Variants in ARHGAP12 observed in about 807,000 individuals in gnomAD.
ARHGAP12 encodes the protein Rho GTPase activating protein 12, also known as rho GTPase-activating protein 12.
In ARHGAP12, 64 loss-of-function variants were observed where a neutral mutation model predicts 108.6. The observed-to-expected ratio is 0.59, with a 90% CI of 0.48 to 0.73. The LOEUF is 0.73. Among genes scored for constraint, ARHGAP12 ranks in the 30% least tolerant of loss-of-function variants. The probability of loss-of-function intolerance (pLI) is 0.00; values close to 1 mark genes in which losing one functional copy is unlikely to be tolerated. For synonymous variants in ARHGAP12, 312 were observed against 337.2 expected (o/e 0.93, Z 0.82); for missense variants, 940 against 1,005.9 (o/e 0.93, Z 0.89).
intron 4 of ARHGAP12, among the ~76,000 whole-genome samples, chr10:31,855,862 T>C (rs1309851069): frequency 6.6e-6 from 1 of 152,196 alleles, no homozygotes; most frequent in African/African-American, 2.4e-5. Flanking sequence ...TCTTCATGTG[T>C]TTTATATTAT....
chr10:31,926,123 T>C (rs1236144502), intron 1 of ARHGAP12, among the ~76,000 whole-genome samples: 2 of 152,176 alleles, frequency 1.3e-5, no homozygotes, highest in African/African-American at 2.4e-5. Context: ...GTGATTCCTA[T>C]GCACGTTAAA....
chr10:31,920,449 C>CAAAA (rs71027040), intron 1 of ARHGAP12, among the ~76,000 whole-genome samples: 1,165 of 59,454 alleles, frequency 0.02, 92 homozygotes, highest in Middle Eastern at 0.048. Context: ...GACTCCGTCT[C>CAAAA]AAAAAAAAAA....
chr10:31,871,774 A>G (rs1375222166), intron 3 of ARHGAP12, among the ~76,000 whole-genome samples: 4 of 152,236 alleles, frequency 2.6e-5, no homozygotes, highest in Non-Finnish European at 4.4e-5. Context: ...TTGACAGAGA[A>G]GAGGTGACAG....
chr10:31,891,283 G>C (rs948077862), intron 3 of ARHGAP12, among the ~76,000 whole-genome samples: 2 of 152,142 alleles, frequency 1.3e-5, no homozygotes, highest in African/African-American at 2.4e-5. Context: ...AACATAAAAA[G>C]CTAGTATATC....
chr10:31,887,305 A>C (rs923602734), intron 3 of ARHGAP12, among the ~76,000 whole-genome samples: 5 of 152,288 alleles, frequency 3.3e-5, no homozygotes, highest in Admixed American at 1.3e-4. Flanking sequence ...TACAGAGGGT[A>C]ATCTGCTTTA....
At chr10:31,888,055 A>G (rs950199442) in intron 3 of ARHGAP12, among the ~76,000 whole-genome samples, 1 of 152,108 alleles carries the variant, frequency 6.6e-6, no homozygotes, top group African/African-American at 2.4e-5. Context: ...TGGATGCTCT[A>G]TTCCTTGCCA....
At chr10:31,922,120 G>A (rs984363040) in intron 1 of ARHGAP12, among the ~76,000 whole-genome samples, 6 of 142,898 alleles carry the variant, frequency 4.2e-5, no homozygotes, top group African/African-American at 1.6e-4. Context: ...GGCAAAGGCT[G>A]CAGCGAGCTG....
intron 1 of ARHGAP12, among the ~76,000 whole-genome samples, chr10:31,917,704 T>G (rs1339099272): frequency 1.3e-5 from 2 of 152,218 alleles, no homozygotes; most frequent in Non-Finnish European, 2.9e-5. Flanking sequence ...AGTGCAGCAA[T>G]TATTTAAGTC....
chr10:31,854,721 C>T (rs1836822018), intron 4 of ARHGAP12, among the ~76,000 whole-genome samples: 2 of 151,992 alleles, frequency 1.3e-5, no homozygotes, highest in South Asian at 4.1e-4. Context: ...TCTCCTAACT[C>T]ATTCAGTCAA....
At chr10:31,888,374 C>G (rs564860298) in intron 3 of ARHGAP12, among the ~76,000 whole-genome samples, 1 of 152,170 alleles carries the variant, frequency 6.6e-6, no homozygotes, top group Non-Finnish European at 1.5e-5. Context: ...CAGACTCTTT[C>G]TCTGAGATTT....
chr10:31,864,509 C>G (rs1592307604), intron 3 of ARHGAP12, among the ~76,000 whole-genome samples: 1 of 152,260 alleles, frequency 6.6e-6, no homozygotes. Context: ...AAATACAATG[C>G]AATATTTGGC....
At chr10:31,850,486 A>C (rs933457611) in intron 6 of ARHGAP12, among the ~76,000 whole-genome samples, 1 of 152,162 alleles carries the variant, frequency 6.6e-6, no homozygotes, top group African/African-American at 2.4e-5. Flanking sequence ...TGATCCATAA[A>C]ATCATTCTTT....
intron 9 of ARHGAP12, among the ~76,000 whole-genome samples, chr10:31,835,460 T>C (rs1390032701): frequency 6.6e-6 from 1 of 152,188 alleles, no homozygotes; most frequent in Non-Finnish European, 1.5e-5. Flanking sequence ...TAGCAAATTA[T>C]GGTTAAATTG....
intron 6 of ARHGAP12, among the ~76,000 whole-genome samples, chr10:31,845,975 G>C (rs966361481): frequency 6.6e-6 from 1 of 151,892 alleles, no homozygotes; most frequent in Non-Finnish European, 1.5e-5. Context: ...CTTTCCTACC[G>C]TCCTGTGGGC....
At chr10:31,817,955 T>C in intron 12 of ARHGAP12, 69 bp from the exon 13 acceptor site, 1 of 1,132,076 alleles carries the variant, frequency 8.8e-7, no homozygotes, top group East Asian at 2.4e-5. Flanking sequence ...CATGAATACC[T>C]TTAATTCAAA....
Position 31,807,848 on chromosome 10 carries a change from G to T in ARHGAP12, c.2367-16C>A, listed in dbSNP as rs565131775. 2.7e-6 allele frequency: 4 copies of T among 1,491,866 alleles called. No homozygotes were observed. The African/African-American group carries it at 5.7e-5, about 21-fold the overall frequency. The allele number at this position is 1,491,866 out of a possible 1,614,324, so 92.4% of individuals were successfully genotyped here. On this transcript the variant is annotated splice_polypyrimidine_tract_variant and intron_variant, in intron 19 of 19. Coordinates refer to ENST00000344936, the MANE Select transcript of ARHGAP12 (RefSeq NM_018287.7). ...TTCTATAACTCTGAAGGGAAAAAAA[G>T]AAGTTGTTAAAAGAGAAAATAAGAG...
intron 1 of ARHGAP12, among the ~76,000 whole-genome samples, chr10:31,922,303 G>C (rs189421900): frequency 6.7e-6 from 1 of 150,036 alleles, no homozygotes; most frequent in African/African-American, 2.4e-5. Context: ...AAGGTAACCA[G>C]AGACATAACT....
At position 31,902,329 on chromosome 10, in the gene ARHGAP12, C is replaced by CAAA. The variant is rs1337648963; in HGVS notation, c.684+5840_684+5842dup. Among the ~76,000 whole-genome samples the CAAA allele has an allele frequency of 3.4e-3, 328 of 97,536 alleles. 3 individuals are homozygous for CAAA. Among genetic ancestry groups the CAAA allele is most frequent in the African/African-American group, 0.012 (314 of 27,038 alleles). 64.0% of individuals were successfully genotyped at this position (97,536 alleles called of 152,430 possible). A position where few individuals can be genotyped will look rare whatever the true frequency, so the allele number is the denominator to read the frequency against. On this transcript the variant is annotated intron_variant, in intron 3 of 19. Transcript: ENST00000344936. ...ACTATAACAATTAGATATCCATAGG[C>CAAA]AAAAAAAAAAAAAAAGAATCTTGAT...
rs542036258 is a variant in ARHGAP12 at position 31,865,201 on chromosome 10, G to A, written c.685-3543C>T. Among the ~76,000 whole-genome samples, 123 of 152,272 alleles carry A rather than the reference G, an allele frequency of 8.1e-4. 2 individuals are homozygous for A. Among genetic ancestry groups the A allele is most frequent in the South Asian group, 3.3e-3 (16 of 4,822 alleles). On this transcript the variant is annotated intron_variant, in intron 3 of 19. Transcript: ENST00000344936. Reference sequence around the variant, plus strand: ...ACTACTGAAGATTAAGCCAGGAAGTGCATTCTGATTTAAATTTTTAAAATA... The same window carrying A: ...ACTACTGAAGATTAAGCCAGGAAGTACATTCTGATTTAAATTTTTAAAATA...
Sources: gnomAD v4.1 joint callset for allele counts (sites outside exome capture counted in the v4.1 genomes callset) on GRCh38, gnomAD v4.1.1 for gene constraint, MANE v1.5 for transcripts, NCBI Gene and HGNC (gene_info 2026-07-23, HGNC 2026-07-21) for gene names.